PLIN4: variants seen among roughly 807,000 people sequenced by gnomAD.
PLIN4 encodes perilipin 4.
In PLIN4, 57 loss-of-function variants were observed where a neutral mutation model predicts 52.4. That is an observed-to-expected ratio of 1.09 (90% CI 0.88 to 1.36). The LOEUF (loss-of-function observed/expected upper bound fraction) is 1.36. PLIN4 is among the 40% of genes most tolerant of loss of function. The pLI is 0.00. For missense variants in PLIN4, 1,757 were observed against 1,770.3 expected, an observed-to-expected ratio of 0.99 and a Z score of 0.13; for synonymous variants, 826 against 785.4, an observed-to-expected ratio of 1.05 and a Z score of -0.86.
Position 4,504,921 on chromosome 19 carries a change from T to G in PLIN4, c.3729A>C (p.Glu1243Asp). 1 of 1,606,974 alleles carries G rather than the reference T, an allele frequency of 6.2e-7. No individual in the cohort carries two copies. Among genetic ancestry groups the G allele is most frequent in the East Asian group, 2.2e-5 (1 of 44,746 alleles). Residue 1243 changes from glutamate to aspartate, a missense_variant, in exon 7 of 8, where the codon GAA becomes GAC. Transcript: ENST00000301286. Reference protein sequence around the residue: ...RLIEKAQQAPEGQPRLDQGSG... With the variant: ...RLIEKAQQAPDGQPRLDQGSG... ...AGCCCTGGTCCAGACGTGGCTGCCC[T>G]TCTGGAGCCTGCTGGGCCTTTTCAA...
At chr19:4,516,877 G>A (rs919109499) in intron 3 of PLIN4, among the ~76,000 whole-genome samples, 199 bp from the exon 4 acceptor site, 3 of 152,220 alleles carry the variant, frequency 2.0e-5, no homozygotes, top group Non-Finnish European at 4.4e-5. Context: ...CTCCCCCCAA[G>A]CCCAGGGCCG....
chr19:4,508,059 T>C (rs939435237), intron 6 of PLIN4, among the ~76,000 whole-genome samples: 4 of 152,102 alleles, frequency 2.6e-5, no homozygotes, highest in Admixed American at 2.6e-4. Context: ...CTGGCTTCAC[T>C]TTACCCAGCC....
intron 4 of PLIN4, among the ~76,000 whole-genome samples, 155 bp downstream of exon 4, chr19:4,516,462 T>A (rs2145304339): frequency 6.6e-6 from 1 of 152,300 alleles, no homozygotes; most frequent in East Asian, 1.9e-4. Context: ...CCAGGCTGTC[T>A]GCCTTCCCTC....
intron 4 of PLIN4, among the ~76,000 whole-genome samples, chr19:4,514,941 C>T (rs1382730338): frequency 2.7e-5 from 4 of 150,670 alleles, no homozygotes; most frequent in Non-Finnish European, 5.9e-5. Context: ...TTTGGGAGGC[C>T]GAGGCAGGTG....
Position 4,504,573 on chromosome 19 carries a change from G to A in PLIN4, c.4002C>T (p.Arg1334=), listed in dbSNP as rs1381905522. 49 of 1,601,750 alleles carry A rather than the reference G, an allele frequency of 3.1e-5. No homozygotes were observed. The highest frequency in any genetic ancestry group is 1.0e-4 in the South Asian group (9 of 89,806). ...CCTGCCAAGCCTGGTGCACACCCTC[G>A]CGGCTCTGCACCAGCCGCTCTGCGG... The part of the protein sequence containing the change: ...ELPAERLVQS[R]EGVHQAWQGL... The change falls in exon 8 of 8, where the codon CGC becomes CGT. Residue 1334 remains arginine (R), a synonymous_variant. Transcript: ENST00000301286.
In PLIN4 at chr19:4,509,040, C is replaced by A. The variant is rs1178978422; in HGVS notation, c.3515-85G>T. 6.8e-6 allele frequency: 9 copies of A among 1,331,472 alleles called. No individual in the cohort carries two copies. In the African/African-American group the frequency reaches 1.2e-4, roughly 17 times the overall value. The allele number at this position is 1,331,472 out of a possible 1,614,324, so 82.5% of individuals were successfully genotyped here. On this transcript the variant is annotated intron_variant, in intron 5 of 7. Transcript: ENST00000301286. ...AAAGTCAAGTGAGGGCCGGGCGCGG[C>A]GGTTCCCGCCTGTGATCCCAGCACT...
chr19:4,510,403 C>A, intron 5 of PLIN4, 43 bp downstream of exon 5: 1 of 1,365,182 alleles, frequency 7.3e-7, no homozygotes, highest in Non-Finnish European at 9.5e-7. Flanking sequence ...CTGCTAGCAG[C>A]TGTGCCTGCC....
chr19:4,516,779 G>T, intron 3 of PLIN4, 101 bp from the exon 4 acceptor site: 2 of 1,200,668 alleles, frequency 1.7e-6, no homozygotes, highest in Non-Finnish European at 1.1e-6. Flanking sequence ...AAAAGGTCAG[G>T]AATGTTTCAG....
chr19:4,512,316 C>T lies in PLIN4; in HGVS notation c.1644G>A (p.Gly548=), dbSNP rs1410400543. The change falls in exon 5 of 8, where the codon GGG becomes GGA. Residue 548 remains glycine (G), a synonymous_variant. Transcript: ENST00000301286. The stretch of plus-strand genomic sequence containing the variant: ...TGGTGTCCAGGCCCCCCTGGACGGC[C>T]CCTTTGGCCACGTTCACAGCACTGG... ...GVTSAVNVAK[G]AVQGGLDTTK... is the part of the protein sequence containing the mutation. 3.1e-6 allele frequency: 5 copies of T among 1,611,184 alleles called. No homozygotes were observed. Among genetic ancestry groups the T allele is most frequent in the African/African-American group, 2.7e-5 (2 of 73,562 alleles).
rs749993229 is a variant in PLIN4 at position 4,508,823 on chromosome 19, T to G, written c.3647A>C (p.His1216Pro). The G allele has an allele frequency of 2.2e-5, 36 of 1,604,176 alleles. No homozygotes were observed. The Admixed American group carries it at 5.6e-4, about 25-fold the overall frequency. The part of the protein sequence containing the change: ...AFEHAVSHLQ[H>P]GQFQARDTLA... ...AGTGTCCCTGGCTTGGAACTGGCCG[T>G]GCTGCAGGTGGCTCACCGCGTGTTC... is the stretch of plus-strand genomic sequence containing the variant. Residue 1216 changes from histidine (H) to proline (P), a missense_variant, in exon 6 of 8, where the codon CAC (histidine) becomes CCC (proline). His to Pro is a moderately conservative substitution (Grantham distance 77). This residue lies in a region of PLIN4 where 712 missense variants were observed against 637.1 expected (regional missense o/e 1.12). Coordinates refer to ENST00000301286, the MANE Select transcript of PLIN4 (RefSeq NM_001367868.2).
intron 6 of PLIN4, among the ~76,000 whole-genome samples, 185 bp downstream of exon 6, chr19:4,508,583 G>A (rs565080510): frequency 6.6e-6 from 1 of 152,314 alleles, no homozygotes; most frequent in South Asian, 2.1e-4. Context: ...CTGTCTTTAA[G>A]GATCTGATCT....
At position 4,516,668 on chromosome 19, in the gene PLIN4, G is replaced by A. The variant is rs765161400; in HGVS notation, c.207C>T (p.His69=). 1.9e-6 allele frequency: 3 copies of A among 1,598,054 alleles called. No individual in the cohort carries two copies. The highest frequency in any genetic ancestry group is 1.1e-5 in the South Asian group (1 of 88,344). The change falls in exon 4 of 8, where the codon CAC becomes CAT. Residue 69 remains histidine (H), a synonymous_variant. Transcript: ENST00000301286. ...CCGTCCATGGGGCCGTCTGCTCTGG[G>A]TGGGCAGCCACTGTGGGGACAGGGG... is the stretch of plus-strand genomic sequence containing the variant. ...AAQPQAQVAA[H]PEQTAPWTEK...
intron 6 of PLIN4, among the ~76,000 whole-genome samples, chr19:4,507,906 A>T (rs1454097002): frequency 6.6e-6 from 1 of 152,100 alleles, no homozygotes; most frequent in Non-Finnish European, 1.5e-5. Flanking sequence ...AACCTAGGCC[A>T]GAGGAAGAGA....
chr19:4,508,993 C>CTCAGGGCA (rs1260288990), intron 5 of PLIN4, 38 bp from the exon 6 acceptor site: 2 of 1,573,616 alleles, frequency 1.3e-6, no homozygotes, highest in Admixed American at 1.8e-5. Flanking sequence ...CCGGAAGCCC[C>CTCAGGGCA]TCAGGGCATC....
rs1975954328 is a variant in PLIN4 at position 4,502,622 on chromosome 19, G to A, written c.*1837C>T. On this transcript the variant is annotated 3_prime_UTR_variant, in exon 8 of 8. Transcript: ENST00000301286. ...CCCTGAGAGCCGCTGCTAGCCGACA[G>A]TGGTCTCCAGCGTTCAGGGAGCATG... 5.0e-6 allele frequency: 1 copy of A among 201,954 alleles called. No individual in the cohort carries two copies. The highest frequency in any genetic ancestry group is 6.2e-5 in the Admixed American group (1 of 16,060). 12.5% of individuals were successfully genotyped at this position (201,954 alleles called of 1,614,324 possible).
In PLIN4 at chr19:4,508,669, C is replaced by G; in HGVS notation, c.3702+99G>C. ...CCATTGGTGACGCTGACAGCATCAT[C>G]TCCTAGGTGCTCAGTCAGTATCTGC... On this transcript the variant is annotated intron_variant, in intron 6 of 7. Coordinates refer to ENST00000301286, the MANE Select transcript of PLIN4 (RefSeq NM_001367868.2). The G allele has an allele frequency of 2.3e-6, 3 of 1,286,152 alleles. No homozygotes were observed. The South Asian group carries it at 4.5e-5, about 19-fold the overall frequency. The allele number at this position is 1,286,152 out of a possible 1,614,324, so 79.7% of individuals were successfully genotyped here. A position where few individuals can be genotyped will look rare whatever the true frequency, so the allele number is the denominator to read the frequency against.
chr19:4,510,407 G>A (rs765757666), intron 5 of PLIN4, 39 bp downstream of exon 5: 2 of 1,367,502 alleles, frequency 1.5e-6, no homozygotes, highest in Non-Finnish European at 9.5e-7. Context: ...TAGCAGCTGT[G>A]CCTGCCTCAG....
intron 2 of PLIN4, 139 bp from the exon 3 acceptor site, chr19:4,517,837 CA>C: frequency 8.6e-7 from 1 of 1,165,124 alleles, no homozygotes; most frequent in Non-Finnish European, 1.2e-6. Flanking sequence ...TTCAGCCACT[CA>C]GCCTCAATTT....
intron 1 of PLIN4, 28 bp downstream of exon 1, chr19:4,518,357 C>G: frequency 8.1e-7 from 1 of 1,232,218 alleles, no homozygotes; most frequent in Non-Finnish European, 1.0e-6. Context: ...CCACTCCCCA[C>G]TGAAAGCCTG....
Sources: allele counts gnomAD v4.1 joint callset (sites outside exome capture counted in the v4.1 genomes callset), GRCh38; gene constraint gnomAD v4.1.1; regional missense constraint gnomAD v4.1.1; transcripts MANE v1.5; gene names NCBI Gene and HGNC (gene_info 2026-07-23, HGNC 2026-07-21).